SIL1: variants seen among roughly 807,000 people sequenced by gnomAD.
SIL1 encodes SIL1 nucleotide exchange factor, also known as nucleotide exchange factor SIL1.
In SIL1, 40 loss-of-function variants were observed where a neutral mutation model predicts 49.1. The ratio of observed to expected loss-of-function variants is 0.81; its 90% CI spans 0.63 to 1.06. SIL1 has a LOEUF of 1.06. SIL1 is among the 50% of genes least tolerant of loss of function. SIL1 has a pLI of 0.00. For synonymous variants in SIL1, 253 were observed against 250.8 expected (o/e 1.01, Z -0.08); for missense variants, 500 against 572.6 (o/e 0.87, Z 1.29).
chr5:139,049,793 T>TAAAA (rs746363870), intron 4 of SIL1, among the ~76,000 whole-genome samples: 1 of 117,644 alleles, frequency 8.5e-6, no homozygotes, highest in Non-Finnish European at 1.8e-5. Context: ...ACCCTATCTC[T>TAAAA]AAAAAAAAAA....
intron 3 of SIL1, among the ~76,000 whole-genome samples, chr5:139,084,787 A>G (rs1770174200): frequency 6.6e-6 from 1 of 150,912 alleles, no homozygotes; most frequent in Admixed American, 6.6e-5. Flanking sequence ...AGTATAATAA[A>G]AATAAAAATA....
chr5:139,076,360 T>C (rs1769947623), intron 3 of SIL1, among the ~76,000 whole-genome samples: 1 of 152,238 alleles, frequency 6.6e-6, no homozygotes, highest in African/African-American at 2.4e-5. Context: ...TGAAGCTTTG[T>C]ACCTATATCA....
At position 138,971,499 on chromosome 5, in the gene SIL1, C is replaced by T. The variant is rs151205242; in HGVS notation, c.768-19615G>A. The stretch of plus-strand genomic sequence containing the variant: ...AAAGCATAGTGAGGAGTTCCCCCAG[C>T]AGCCAACTCTTTGCAGGGTTTTCTC... On this transcript the variant is annotated intron_variant, in intron 7 of 9. Transcript: ENST00000394817. 7.9e-5 allele frequency among the ~76,000 whole-genome samples: 12 copies of T among 152,340 alleles called. No individual in the cohort carries two copies. The East Asian group carries it at 2.3e-3, about 29-fold the overall frequency.
intron 1 of SIL1, among the ~76,000 whole-genome samples, chr5:139,143,740 G>A (rs1017444161): frequency 2.0e-5 from 3 of 152,130 alleles, no homozygotes; most frequent in Non-Finnish European, 2.9e-5. Flanking sequence ...ATTCAGTAAA[G>A]TTGCAGGACA....
At chr5:139,167,294 G>A (rs1751644983) in intron 1 of SIL1, among the ~76,000 whole-genome samples, 1 of 152,168 alleles carries the variant, frequency 6.6e-6, no homozygotes, top group African/African-American at 2.4e-5. Context: ...AAAGTTAACT[G>A]TAAACCAGCC....
intron 3 of SIL1, among the ~76,000 whole-genome samples, chr5:139,081,392 C>A (rs2151770564): frequency 6.6e-6 from 1 of 152,268 alleles, no homozygotes; most frequent in South Asian, 2.1e-4. Flanking sequence ...GTAGCTAGGA[C>A]TACAGGTACA....
At chr5:139,192,869 T>G (rs1167857232) in intron 1 of SIL1, among the ~76,000 whole-genome samples, 2 of 151,062 alleles carry the variant, frequency 1.3e-5, no homozygotes, top group Non-Finnish European at 1.5e-5. Flanking sequence ...TGGTGGCACA[T>G]GCCTGTAGTA....
chr5:139,058,656 A>C (rs1398995774), intron 3 of SIL1, among the ~76,000 whole-genome samples: 2 of 152,216 alleles, frequency 1.3e-5, no homozygotes, highest in East Asian at 3.8e-4. Context: ...CAGCCTTAGC[A>C]ATCAGAAGTG....
At chr5:139,096,785 C>A (rs578145877) in intron 3 of SIL1, among the ~76,000 whole-genome samples, 1 of 152,018 alleles carries the variant, frequency 6.6e-6, no homozygotes, top group East Asian at 2.0e-4. Context: ...AGCCCTTAGA[C>A]CCTGAATAAC....
intron 1 of SIL1, among the ~76,000 whole-genome samples, chr5:139,140,003 G>A (rs1751049482): frequency 6.6e-6 from 1 of 152,130 alleles, no homozygotes; most frequent in Non-Finnish European, 1.5e-5. Flanking sequence ...GGGTGCAGTG[G>A]CTCATGCCTG....
At chr5:139,143,396 G>T (rs1581131240) in intron 1 of SIL1, among the ~76,000 whole-genome samples, 1 of 146,922 alleles carries the variant, frequency 6.8e-6, no homozygotes, top group African/African-American at 2.6e-5. Context: ...TTAAGATGGA[G>T]TTTCGCTCTT....
chr5:139,128,073 G>A (rs762331286), intron 1 of SIL1: 9 of 567,740 alleles, frequency 1.6e-5, no homozygotes, highest in Non-Finnish European at 2.7e-5. Context: ...CCATACAGTC[G>A]ATCAGGACTC....
chr5:139,159,112 A>G (rs1581140578), intron 1 of SIL1, among the ~76,000 whole-genome samples: 1 of 152,138 alleles, frequency 6.6e-6, no homozygotes, highest in East Asian at 1.9e-4. Flanking sequence ...AGGGAAAAAA[A>G]AAAAGGCCCC....
intron 5 of SIL1, among the ~76,000 whole-genome samples, chr5:139,037,458 T>G (rs1347070753): frequency 6.6e-6 from 1 of 152,236 alleles, no homozygotes; most frequent in African/African-American, 2.4e-5. Context: ...ACTCTCCATC[T>G]GGAATTCCAA....
chr5:139,137,239 A>G, intron 1 of SIL1: 1 of 687,782 alleles, frequency 1.5e-6, no homozygotes, highest in Non-Finnish European at 2.6e-6. Flanking sequence ...GTATTAGTTC[A>G]TTTACTCTTC....
Position 139,030,056 on chromosome 5 carries a change from G to T in SIL1, c.454-3064C>A, listed in dbSNP as rs1581042986. On this transcript the variant is annotated intron_variant, in intron 5 of 9. Transcript: ENST00000394817. ...TTCTAACGAGATTAGGTTATAATTA[G>T]ATTATAATCTCAGCACTTTGGGAAG... 2.0e-5 allele frequency among the ~76,000 whole-genome samples: 3 copies of T among 151,920 alleles called. No individual in the cohort carries two copies. The South Asian group carries it at 6.3e-4, about 32-fold the overall frequency.
intron 1 of SIL1, among the ~76,000 whole-genome samples, chr5:139,152,841 T>C (rs1444858960): frequency 2.6e-5 from 4 of 151,836 alleles, no homozygotes; most frequent in Non-Finnish European, 5.9e-5. Context: ...TGAGATGGAG[T>C]TTTGCTCTTG....
chr5:139,023,787 G>A lies in SIL1; in HGVS notation c.646-2495C>T, dbSNP rs571537077. Among the ~76,000 whole-genome samples the A allele has an allele frequency of 3.3e-5, 5 of 152,276 alleles. No individual in the cohort carries two copies. In the East Asian group the frequency reaches 5.8e-4, roughly 18 times the overall value. Reference sequence around the variant, plus strand: ...CAAGCCCCCATCACAACTGGGACTCGGGCCGAGTTGTGTCTTACTTAATCC... The same window carrying A: ...CAAGCCCCCATCACAACTGGGACTCAGGCCGAGTTGTGTCTTACTTAATCC... On this transcript the variant is annotated intron_variant, in intron 6 of 9. Transcript: ENST00000394817.
intron 6 of SIL1, 140 bp from the exon 7 acceptor site, chr5:139,021,432 G>T: frequency 1.5e-6 from 2 of 1,373,150 alleles, no homozygotes; most frequent in South Asian, 2.6e-5. Flanking sequence ...ACTAAGAAAA[G>T]GTTTGTAAAA....
Sources: allele counts gnomAD v4.1 joint callset (sites outside exome capture counted in the v4.1 genomes callset), GRCh38; gene constraint gnomAD v4.1.1; transcripts MANE v1.5; gene names NCBI Gene and HGNC (gene_info 2026-07-23, HGNC 2026-07-21).